The following BPIFB2 variants were observed in gnomAD, a reference collection of about 807,000 sequenced individuals.
BPIFB2 encodes BPI fold-containing family B member 2.
In BPIFB2, 39 loss-of-function variants were observed where a neutral mutation model predicts 50.1. The observed-to-expected ratio is 0.78, with a 90% CI of 0.60 to 1.02. The LOEUF (loss-of-function observed/expected upper bound fraction) is 1.02. Among genes scored for constraint, BPIFB2 ranks in the 50% least tolerant of loss-of-function variants. The probability of loss-of-function intolerance (pLI) is 0.00; values close to 1 mark genes in which losing one functional copy is unlikely to be tolerated. For synonymous variants in BPIFB2, 280 were observed against 256.3 expected (o/e 1.09, Z -0.88); for missense variants, 574 against 585.8 (o/e 0.98, Z 0.21).
In BPIFB2 at chr20:33,019,760, G is replaced by A; in HGVS notation, c.1080+10G>A. ...CTTCTCCCTGGATGTGGTGAGTGCG[G>A]TGGGGCTGGTCGGAAGGCAGGCAAC... On this transcript the variant is annotated intron_variant, in intron 11 of 15. Coordinates refer to ENST00000170150, the MANE Select transcript of BPIFB2 (RefSeq NM_025227.3). 1.3e-6 allele frequency: 2 copies of A among 1,579,756 alleles called. No individual in the cohort carries two copies. The highest frequency in any genetic ancestry group is 2.3e-5 in the East Asian group (1 of 44,230).
intron 8 of BPIFB2, 64 bp downstream of exon 8, chr20:33,018,414 G>A (rs1978513661): frequency 6.8e-7 from 1 of 1,476,308 alleles, no homozygotes; most frequent in Non-Finnish European, 9.4e-7. Context: ...TGGTGTTCCA[G>A]AAGATTCCTA....
At chr20:33,012,481 G>A (rs1004462426) in intron 3 of BPIFB2, among the ~76,000 whole-genome samples, 4 of 152,174 alleles carry the variant, frequency 2.6e-5, no homozygotes, top group African/African-American at 9.7e-5. Flanking sequence ...TGCCTTCTGT[G>A]GTTCCTGAAG....
rs1444266439 is a variant in BPIFB2 at position 33,021,343 on chromosome 20, T to A, written c.1257T>A (p.Asn419Lys). The stretch of plus-strand genomic sequence containing the variant: ...AGAAGCCCCTGCTGGACCATCTCAA[T>A]GGTAAGCCCTGCCCTCCACCCCAGC... ...VFEKPLLDHL[N>K]ALLAMGIALP... is the part of the protein sequence containing the mutation. Residue 419 changes from asparagine (N) to lysine (K), a missense_variant and splice_region_variant, in exon 14 of 16, where the codon AAT (asparagine) becomes AAA (lysine). Coordinates refer to ENST00000170150, the MANE Select transcript of BPIFB2 (RefSeq NM_025227.3). The A allele has an allele frequency of 1.9e-6, 3 of 1,612,408 alleles. No homozygotes were observed. The highest frequency in any genetic ancestry group is 2.5e-6 in the Non-Finnish European group (3 of 1,179,404).
intron 3 of BPIFB2, among the ~76,000 whole-genome samples, chr20:33,011,641 T>C (rs1375749994): frequency 6.6e-6 from 1 of 152,170 alleles, no homozygotes; most frequent in East Asian, 1.9e-4. Flanking sequence ...AGAGAAGATA[T>C]ACATCTAGAA....
rs1568979897 is a variant in BPIFB2 at position 33,021,275 on chromosome 20, CCA to C, written c.1195-3_1195-2del. ...CGGGCCCATCTCCCTGGCTCCGTGG[CCA>C]CAGACAGATCAGGTGCGCACACTGA... On this transcript the variant is annotated splice_region_variant and splice_polypyrimidine_tract_variant and intron_variant, in intron 13 of 15. Transcript: ENST00000170150. The C allele has an allele frequency of 1.9e-6, 3 of 1,613,938 alleles. No individual in the cohort carries two copies. The highest frequency in any genetic ancestry group is 1.7e-5 in the Admixed American group (1 of 60,022).
intron 5 of BPIFB2, among the ~76,000 whole-genome samples, chr20:33,014,931 G>C (rs1215587271): frequency 6.6e-6 from 1 of 152,218 alleles, no homozygotes; most frequent in Non-Finnish European, 1.5e-5. Flanking sequence ...TTGGGCTGTG[G>C]CTTGGATCGA....
At position 33,021,323 on chromosome 20, in the gene BPIFB2, C is replaced by A; in HGVS notation, c.1237C>A (p.Pro413Thr). 1 of 1,613,806 alleles carries A rather than the reference C, an allele frequency of 6.2e-7. No homozygotes were observed. Among genetic ancestry groups the A allele is most frequent in the Non-Finnish European group, 8.5e-7 (1 of 1,179,916 alleles). ...ACTGATGGGCACCGTTTTTGAGAAG[C>A]CCCTGCTGGACCATCTCAATGGTAA... The part of the protein sequence containing the change: ...RTLMGTVFEK[P>T]LLDHLNALLA... Residue 413 changes from proline to threonine, a missense_variant, in exon 14 of 16, where the codon CCC (proline) becomes ACC (threonine). Transcript: ENST00000170150.
At chr20:33,018,435 G>A (rs1215219414) in intron 8 of BPIFB2, 85 bp downstream of exon 8, 1 of 1,381,218 alleles carries the variant, frequency 7.2e-7, no homozygotes, top group South Asian at 1.3e-5. Flanking sequence ...AAGGAGCGGG[G>A]GAGTGGGAAA....
chr20:33,012,531 C>T (rs79567594), intron 3 of BPIFB2, among the ~76,000 whole-genome samples: 2 of 152,060 alleles, frequency 1.3e-5, no homozygotes, highest in Non-Finnish European at 1.5e-5. Context: ...AGGCAGGGGT[C>T]GGAAACTGTC....
At chr20:33,022,248 G>A (rs1399727658) in intron 15 of BPIFB2, among the ~76,000 whole-genome samples, 1 of 152,216 alleles carries the variant, frequency 6.6e-6, no homozygotes. Context: ...TGCGACAGCT[G>A]CTTTCTTCTG....
At position 33,012,801 on chromosome 20, in the gene BPIFB2, A is replaced by G; in HGVS notation, c.204-2A>G. Reference sequence around the variant, plus strand: ...TCTGTCACCTTGATTACTACCCTGCAGGATCCGGATTCTGAATGTCCATGT... The same window carrying G: ...TCTGTCACCTTGATTACTACCCTGCGGGATCCGGATTCTGAATGTCCATGT... On this transcript the variant is annotated splice_acceptor_variant, in intron 3 of 15. Coordinates refer to ENST00000170150, the MANE Select transcript of BPIFB2 (RefSeq NM_025227.3). LOFTEE classifies it high-confidence loss of function. 1 of 1,611,258 alleles carries G rather than the reference A, an allele frequency of 6.2e-7. No individual in the cohort carries two copies. Among genetic ancestry groups the G allele is most frequent in the Non-Finnish European group, 8.5e-7 (1 of 1,177,468 alleles).
chr20:33,020,917 C>A (rs1978640870), intron 13 of BPIFB2, among the ~76,000 whole-genome samples: 1 of 152,158 alleles, frequency 6.6e-6, no homozygotes, highest in Non-Finnish European at 1.5e-5. Flanking sequence ...TCAACATGCC[C>A]CCCTTCTACC....
At chr20:33,012,974 G>T in intron 4 of BPIFB2, 67 bp downstream of exon 4, 1 of 1,380,934 alleles carries the variant, frequency 7.2e-7, no homozygotes, top group Non-Finnish European at 1.0e-6. Context: ...ACAGTGAGGG[G>T]ACGGGGGGTA....
Position 33,020,278 on chromosome 20 carries a change from C to G in BPIFB2, c.1081-50C>G, listed in dbSNP as rs772706562. ...TGGGTGGGAGGCTGGGTGGCTGGTG[C>G]CCCCCTCATGGCTCTGTGCCCTCTG... is the stretch of plus-strand genomic sequence containing the variant. On this transcript the variant is annotated intron_variant, in intron 11 of 15. Transcript: ENST00000170150. The G allele has an allele frequency of 2.6e-6, 4 of 1,568,182 alleles. No homozygotes were observed. The East Asian group carries it at 9.0e-5, about 35-fold the overall frequency.
In BPIFB2 at chr20:33,014,356, G is replaced by T. The variant is rs141332176; in HGVS notation, c.455+400G>T. 9.8e-3 allele frequency among the ~76,000 whole-genome samples: 1,489 copies of T among 152,306 alleles called. 14 individuals carry two copies. Among genetic ancestry groups the T allele is most frequent in the Middle Eastern group, 0.02 (6 of 294 alleles). ...ATAGCCAGCTCTCGCAGGCCAGGCC[G>T]CTCCCTTCTGCATAAAGGCTGATGG... is the stretch of plus-strand genomic sequence containing the variant. On this transcript the variant is annotated intron_variant, in intron 5 of 15. Transcript: ENST00000170150.
intron 2 of BPIFB2, 29 bp from the exon 3 acceptor site, chr20:33,010,995 C>T (rs773710343): frequency 1.3e-6 from 2 of 1,599,286 alleles, no homozygotes; most frequent in Non-Finnish European, 8.6e-7. Context: ...CCGAGGGCAC[C>T]CTGACCTCAC....
chr20:33,013,272 A>G (rs1021346261), intron 4 of BPIFB2, among the ~76,000 whole-genome samples: 6 of 152,174 alleles, frequency 3.9e-5, no homozygotes, highest in African/African-American at 1.4e-4. Flanking sequence ...GAGACGCTCA[A>G]TAAGCATAAC....
intron 13 of BPIFB2, 58 bp from the exon 14 acceptor site, chr20:33,021,223 C>T (rs1221159613): frequency 1.7e-5 from 27 of 1,562,130 alleles, no homozygotes; most frequent in Non-Finnish European, 2.3e-5. Context: ...GCCTGACTGT[C>T]CATCTCTCCT....
chr20:33,016,974 C>A, intron 6 of BPIFB2, 68 bp from the exon 7 acceptor site: 1 of 1,460,446 alleles, frequency 6.8e-7, no homozygotes. Context: ...CTAGACCCCT[C>A]TCAGCCTTGT....
Sources: allele counts gnomAD v4.1 joint callset (sites outside exome capture counted in the v4.1 genomes callset), GRCh38; gene constraint gnomAD v4.1.1; transcripts MANE v1.5; gene names NCBI Gene and HGNC (gene_info 2026-07-23, HGNC 2026-07-21).